KPTN: variants seen among roughly 807,000 people sequenced by gnomAD.
The protein encoded by KPTN is KICSTOR complex protein kaptin.
Under a neutral mutation model 52.6 loss-of-function variants are expected in KPTN, and 36 were observed. That is an observed-to-expected ratio of 0.68 (90% CI 0.52 to 0.90). The LOEUF (loss-of-function observed/expected upper bound fraction) is 0.90. KPTN is among the 40% of genes least tolerant of loss of function. The pLI, the probability that KPTN is intolerant of heterozygous loss-of-function variation, is 0.00. For missense variants in KPTN, 529 were observed against 576.2 expected (o/e 0.92, Z 0.84); for synonymous variants, 271 against 248.4 (o/e 1.09, Z -0.85).
chr19:47,484,315 C>T (rs1002303909), upstream of KPTN: 12 of 977,994 alleles, frequency 1.2e-5, no homozygotes, highest in East Asian at 2.2e-4. Flanking sequence ...AAGATGGCGG[C>T]CAGGTCGCCT....
At chr19:47,482,300 C>G (rs953966875) in intron 4 of KPTN, among the ~76,000 whole-genome samples, 6 of 151,986 alleles carry the variant, frequency 3.9e-5, no homozygotes, top group Non-Finnish European at 8.8e-5. Flanking sequence ...ACTAGCCTGG[C>G]CAACATGGCA....
chr19:47,478,020 A>T (rs1052566472), intron 8 of KPTN, among the ~76,000 whole-genome samples: 14 of 151,592 alleles, frequency 9.2e-5, no homozygotes, highest in African/African-American at 3.4e-4. Context: ...AGATCACACC[A>T]CTGCACTCCA....
intron 6 of KPTN, 28 bp from the exon 7 acceptor site, chr19:47,480,435 G>T (rs1194539739): frequency 1.3e-5 from 20 of 1,482,606 alleles, no homozygotes; most frequent in Admixed American, 2.0e-5. Context: ...GGACAGGACG[G>T]ACGGCCATTG....
intron 4 of KPTN, 43 bp from the exon 5 acceptor site, chr19:47,481,076 A>G: frequency 2.0e-6 from 3 of 1,482,702 alleles, no homozygotes; most frequent in Non-Finnish European, 2.8e-6. Flanking sequence ...TGGAATCCAC[A>G]TGGTCTGAGA....
rs188043729 is a variant in KPTN at position 47,477,953 on chromosome 19, A to T, written c.788-172T>A. Among the ~76,000 whole-genome samples, 425 of 152,190 alleles carry T rather than the reference A, an allele frequency of 2.8e-3. 2 individuals carry two copies. The highest frequency in any genetic ancestry group is 3.7e-3 in the Non-Finnish European group (252 of 67,988). ...CGGGCACCTGTAATGCCAGCTACTC[A>T]GGAGGCTGAGGCAGGAGACTTGCTT... On this transcript the variant is annotated intron_variant, in intron 8 of 11. Transcript: ENST00000338134.
rs765565731 is a variant in KPTN at position 47,475,159 on chromosome 19, T to G, written c.*257A>C. On this transcript the variant is annotated 3_prime_UTR_variant, in exon 12 of 12. Coordinates refer to ENST00000338134, the MANE Select transcript of KPTN (RefSeq NM_007059.4). The stretch of plus-strand genomic sequence containing the variant: ...CGAGACAACTGGGAAATGATGTTCT[T>G]CTGGACGTATAAATAACCATCAGGT... The G allele has an allele frequency of 1.5e-4, 53 of 359,058 alleles. No individual in the cohort carries two copies. Among genetic ancestry groups the G allele is most frequent in the Non-Finnish European group, 2.5e-4 (48 of 190,918 alleles). 22.2% of individuals were successfully genotyped at this position (359,058 alleles called of 1,614,324 possible).
At chr19:47,483,429 C>G in intron 2 of KPTN, 50 bp from the exon 3 acceptor site, 5 of 1,600,602 alleles carry the variant, frequency 3.1e-6, no homozygotes, top group Non-Finnish European at 4.3e-6. Flanking sequence ...CAGGAGGGAT[C>G]CGGGGCGGCT....
At chr19:47,478,149 C>T (rs1432108308) in intron 8 of KPTN, among the ~76,000 whole-genome samples, 2 of 152,018 alleles carry the variant, frequency 1.3e-5, no homozygotes, top group Admixed American at 6.6e-5. Context: ...ACCCCAGGCC[C>T]CTTTAATGAG....
Position 47,483,916 on chromosome 19 carries a change from G to T in KPTN, c.226+19C>A. 6.2e-7 allele frequency: 1 copy of T among 1,609,868 alleles called. No individual in the cohort carries two copies. The highest frequency in any genetic ancestry group is 8.5e-7 in the Non-Finnish European group (1 of 1,178,740). ...CCACGTTCCAGGCCCCCGCCCCCCA[G>T]CACCATAGCGCCACCCACCGGGAAT... On this transcript the variant is annotated intron_variant, in intron 1 of 11. Coordinates refer to ENST00000338134, the MANE Select transcript of KPTN (RefSeq NM_007059.4).
Position 47,479,827 on chromosome 19 carries a change from C to T in KPTN, c.787+36G>A, listed in dbSNP as rs539445608. The T allele has an allele frequency of 4.7e-4, 743 of 1,569,676 alleles. 11 individuals carry two copies. The South Asian group carries it at 7.4e-3, about 16-fold the overall frequency. On this transcript the variant is annotated intron_variant, in intron 8 of 11. Transcript: ENST00000338134. ...TGCAGAGTTGCCTCTTCCCTCCCACCCGCTCTCTCCCCATCCCCTCAAACC... is the reference window on the plus strand; with the variant it reads ...TGCAGAGTTGCCTCTTCCCTCCCACTCGCTCTCTCCCCATCCCCTCAAACC...
intron 5 of KPTN, 55 bp from the exon 6 acceptor site, chr19:47,480,888 CAT>C: frequency 6.2e-7 from 1 of 1,611,830 alleles, no homozygotes; most frequent in Non-Finnish European, 8.5e-7. Context: ...CAGCTTCACA[CAT>C]ATACCCACCC....
chr19:47,479,556 G>A (rs978940543), intron 8 of KPTN, among the ~76,000 whole-genome samples: 19 of 152,134 alleles, frequency 1.2e-4, no homozygotes, highest in Non-Finnish European at 2.5e-4. Context: ...AGAGGGAGAG[G>A]TGGATGCTCA....
At chr19:47,480,180 T>A in intron 7 of KPTN, 118 bp downstream of exon 7, 2 of 309,898 alleles carry the variant, frequency 6.5e-6, no homozygotes, top group Non-Finnish European at 1.2e-5. Context: ...CCCACCCTCA[T>A]CCCTCAACCC....
upstream of KPTN, among the ~76,000 whole-genome samples, chr19:47,484,875 T>C (rs1382839604): frequency 6.6e-6 from 1 of 152,072 alleles, no homozygotes; most frequent in Non-Finnish European, 1.5e-5. Flanking sequence ...AGTTTTTCTA[T>C]TTTTAGTAGA....
intron 7 of KPTN, 129 bp downstream of exon 7, chr19:47,480,169 C>T (rs574445559): frequency 3.7e-6 from 2 of 547,866 alleles, no homozygotes; most frequent in African/African-American, 2.4e-5. Flanking sequence ...ACCCGGCAAG[C>T]CCCACCCTCA....
chr19:47,483,409 G>C (rs757305159), intron 2 of KPTN, 30 bp from the exon 3 acceptor site: 26 of 1,605,898 alleles, frequency 1.6e-5, no homozygotes, highest in Non-Finnish European at 2.1e-5. Flanking sequence ...TCAGGGGAGG[G>C]CAGGGGTGGC....
At position 47,479,945 on chromosome 19, in the gene KPTN, G is replaced by GA; in HGVS notation, c.710-6_710-5insT. On this transcript the variant is annotated splice_polypyrimidine_tract_variant and splice_region_variant and intron_variant, in intron 7 of 11. Transcript: ENST00000338134. ...CCGACCACATCTGCAGAACCTCTGC[G>GA]TGGAGAGCGAGGATTCAGAGCCCCA... The GA allele has an allele frequency of 6.2e-7, 1 of 1,608,926 alleles. No homozygotes were observed. Among genetic ancestry groups the GA allele is most frequent in the South Asian group, 1.1e-5 (1 of 90,668 alleles).
chr19:47,475,371 C>A lies in KPTN; in HGVS notation c.*45G>T. 1 of 1,598,318 alleles carries A rather than the reference C, an allele frequency of 6.3e-7. No individual in the cohort carries two copies. The highest frequency in any genetic ancestry group is 8.5e-7 in the Non-Finnish European group (1 of 1,170,838). ...CCCCACCAGCGGCTGGAGGTGAGCACGCCATGAGTCGCCCCAGGTCTGGGA... is the reference window on the plus strand; with the variant it reads ...CCCCACCAGCGGCTGGAGGTGAGCAAGCCATGAGTCGCCCCAGGTCTGGGA... On this transcript the variant is annotated 3_prime_UTR_variant, in exon 12 of 12. Coordinates refer to ENST00000338134, the MANE Select transcript of KPTN (RefSeq NM_007059.4).
At position 47,477,893 on chromosome 19, in the gene KPTN, C is replaced by T. The variant is rs1967729750; in HGVS notation, c.788-112G>A. 7 of 657,820 alleles carry T rather than the reference C, an allele frequency of 1.1e-5. No individual in the cohort carries two copies. In the East Asian group the frequency reaches 1.3e-4, roughly 12 times the overall value. The allele number at this position is 657,820 out of a possible 1,614,324, so 40.7% of individuals were successfully genotyped here. ...TGGTCAACATGATAAAACCCCGCCT[C>T]TACTAAAAACACAAAAATTAGCCGG... On this transcript the variant is annotated intron_variant, in intron 8 of 11. Transcript: ENST00000338134.
Sources: allele counts gnomAD v4.1 joint callset (sites outside exome capture counted in the v4.1 genomes callset), GRCh38; gene constraint gnomAD v4.1.1; transcripts MANE v1.5; gene names NCBI Gene and HGNC (gene_info 2026-07-23, HGNC 2026-07-21).